The following EXOC4 variants were observed in gnomAD, a reference collection of about 807,000 sequenced individuals.
EXOC4 encodes SEC8-like 1.
In EXOC4, 71 loss-of-function variants were observed where a neutral mutation model predicts 107.2. The ratio of observed to expected loss-of-function variants is 0.66; its 90% CI spans 0.55 to 0.81. The LOEUF is 0.81. Among genes scored for constraint, EXOC4 ranks in the 30% least tolerant of loss-of-function variants. The pLI is 0.00. For missense variants in EXOC4, 1,108 were observed against 1,189.6 expected (o/e 0.93, Z 1.01); for synonymous variants, 456 against 441.2 (o/e 1.03, Z -0.42).
chr7:133,922,543 G>T (rs1799958548), intron 13 of EXOC4, among the ~76,000 whole-genome samples: 1 of 151,990 alleles, frequency 6.6e-6, no homozygotes, highest in Non-Finnish European at 1.5e-5. Context: ...ACTACAACAA[G>T]GTTTTTAAAA....
intron 17 of EXOC4, among the ~76,000 whole-genome samples, chr7:134,051,135 C>T (rs1795776842): frequency 6.6e-6 from 1 of 152,108 alleles, no homozygotes. Flanking sequence ...GGCCACCTGA[C>T]AAGGGCAGCT....
intron 7 of EXOC4, among the ~76,000 whole-genome samples, chr7:133,404,923 CAT>C (rs1563053298): frequency 2.8e-5 from 3 of 108,558 alleles, no homozygotes; most frequent in African/African-American, 3.6e-5. Flanking sequence ...CACACACACA[CAT>C]TAGTTGGGTG....
At position 134,030,649 on chromosome 7, in the gene EXOC4, T is replaced by C. The variant is rs184133249; in HGVS notation, c.2687+22814T>C. On this transcript the variant is annotated intron_variant, in intron 17 of 17. Coordinates refer to ENST00000253861, the MANE Select transcript of EXOC4 (RefSeq NM_021807.4). ...TGGAGCAAATACACTTTGTGGGTAA[T>C]AAACCTTGTTGACCCGCACCCCCCC... Among the ~76,000 whole-genome samples the C allele has an allele frequency of 7.1e-3, 1,076 of 151,972 alleles. 8 individuals are homozygous for C. Among genetic ancestry groups the C allele is most frequent in the Non-Finnish European group, 8.7e-3 (588 of 67,974 alleles).
chr7:133,896,349 A>G (rs2288067), intron 12 of EXOC4, among the ~76,000 whole-genome samples: 94,028 of 151,478 alleles, frequency 0.62, 31,678 homozygotes, highest in African/African-American at 0.9. Flanking sequence ...AACAAATTAT[A>G]ATCTGGTTCA....
chr7:133,622,590 A>T (rs1802360434), intron 9 of EXOC4, among the ~76,000 whole-genome samples: 1 of 152,048 alleles, frequency 6.6e-6, no homozygotes, highest in Admixed American at 6.6e-5. Flanking sequence ...TTCCCCCCAA[A>T]CGTTGCATAC....
chr7:133,260,431 A>C (rs1795121846), intron 1 of EXOC4, among the ~76,000 whole-genome samples: 2 of 151,906 alleles, frequency 1.3e-5, no homozygotes, highest in Non-Finnish European at 2.9e-5. Context: ...GCGCCACCAC[A>C]CCCGGCTAAT....
the EXOC4 span, among the ~76,000 whole-genome samples, chr7:134,085,467 A>G: frequency 3.9e-5 from 6 of 152,304 alleles, no homozygotes; most frequent in South Asian, 2.1e-4. Context: ...TTTAACTTGC[A>G]CTATTCCTGT....
intron 14 of EXOC4, among the ~76,000 whole-genome samples, chr7:133,976,582 T>G (rs1032211867): frequency 1.3e-5 from 2 of 152,068 alleles, no homozygotes; most frequent in Non-Finnish European, 2.9e-5. Context: ...GAAAAGAATA[T>G]GATGAGTGCC....
At chr7:133,525,184 A>G (rs567419836) in intron 9 of EXOC4, among the ~76,000 whole-genome samples, 1 of 152,240 alleles carries the variant, frequency 6.6e-6, no homozygotes. Context: ...ATGGAGGAAA[A>G]TGTGACTCCT....
chr7:133,857,969 G>A (rs1318567716), intron 11 of EXOC4, among the ~76,000 whole-genome samples: 1 of 152,132 alleles, frequency 6.6e-6, no homozygotes, highest in Admixed American at 6.5e-5. Context: ...CGTCACATGG[G>A]GTAGCCGCCC....
intron 10 of EXOC4, among the ~76,000 whole-genome samples, chr7:133,636,822 G>T (rs1229657466): frequency 6.6e-6 from 1 of 152,182 alleles, no homozygotes; most frequent in African/African-American, 2.4e-5. Flanking sequence ...CTGGCATCTA[G>T]GTCAGTTAAG....
In EXOC4 at chr7:133,917,617, A is replaced by G. The variant is rs753621495; in HGVS notation, c.1906A>G (p.Ser636Gly). ...IVQSEEKLVISASWAKDDDIS... is the reference protein window; with the variant it reads ...IVQSEEKLVIGASWAKDDDIS... ...CCAGTCAGAAGAAAAACTTGTCATC[A>G]GTGCATCCTGGGCAAAAGATGATGA... The change falls in exon 13 of 18, where the codon AGT (serine) becomes GGT (glycine). Residue 636 changes from serine to glycine, a missense_variant. Transcript: ENST00000253861. 6.2e-7 allele frequency: 1 copy of G among 1,614,080 alleles called. No individual in the cohort carries two copies. The highest frequency in any genetic ancestry group is 8.5e-7 in the Non-Finnish European group (1 of 1,179,992).
downstream of EXOC4, among the ~76,000 whole-genome samples, chr7:134,069,049 C>T (rs1055090941): frequency 6.6e-6 from 1 of 152,086 alleles, no homozygotes; most frequent in Non-Finnish European, 1.5e-5. Context: ...TTTCCCCTCT[C>T]GATTCTCTGT....
intron 14 of EXOC4, among the ~76,000 whole-genome samples, chr7:133,981,243 A>C (rs998669245): frequency 6.6e-6 from 1 of 152,160 alleles, no homozygotes; most frequent in African/African-American, 2.4e-5. Context: ...TCCAGATGTT[A>C]TCCACATGGC....
intron 15 of EXOC4, among the ~76,000 whole-genome samples, chr7:134,003,138 A>G (rs1794568168): frequency 6.6e-6 from 1 of 152,200 alleles, no homozygotes. Context: ...AGCAATAAAA[A>G]GTAATGAACA....
chr7:133,536,537 T>C (rs1800273170), intron 9 of EXOC4, among the ~76,000 whole-genome samples: 2 of 152,034 alleles, frequency 1.3e-5, no homozygotes, highest in South Asian at 4.2e-4. Flanking sequence ...CCGTTACCTA[T>C]TTTATCTGTT....
intron 11 of EXOC4, among the ~76,000 whole-genome samples, chr7:133,847,818 C>G (rs994415039): frequency 2.0e-5 from 3 of 151,576 alleles, no homozygotes; most frequent in Non-Finnish European, 2.9e-5. Flanking sequence ...AAGCAATTCT[C>G]CTGCCTCAGC....
At chr7:133,542,169 TTGTGTGTGTG>T (rs3046171) in intron 9 of EXOC4, among the ~76,000 whole-genome samples, 34 of 147,056 alleles carry the variant, frequency 2.3e-4, no homozygotes, top group Non-Finnish European at 4.5e-4. Flanking sequence ...AAATTTTATC[TTGTGTGTGTG>T]TGTGTGTGTG....
At chr7:133,569,900 A>G (rs1449888032) in intron 9 of EXOC4, among the ~76,000 whole-genome samples, 2 of 152,174 alleles carry the variant, frequency 1.3e-5, no homozygotes, top group African/African-American at 4.8e-5. Context: ...CCGTTGGAAT[A>G]TGTTTATGAG....
Sources: gnomAD v4.1 joint callset for allele counts (sites outside exome capture counted in the v4.1 genomes callset) on GRCh38, gnomAD v4.1.1 for gene constraint, MANE v1.5 for transcripts, NCBI Gene and HGNC (gene_info 2026-07-23, HGNC 2026-07-21) for gene names.